The following MRAS variants were observed in gnomAD, a reference collection of about 807,000 sequenced individuals.
The protein encoded by MRAS is ras-related protein M-Ras.
Under a neutral mutation model 20.9 loss-of-function variants are expected in MRAS, and 4 were observed. That is an observed-to-expected ratio of 0.19 (90% CI 0.09 to 0.44). MRAS has a LOEUF of 0.44. Among genes scored for constraint, MRAS ranks in the 20% least tolerant of loss-of-function variants. The pLI is 0.99. For missense variants in MRAS, 154 were observed against 277.5 expected (o/e 0.56, Z 3.16); for synonymous variants, 98 against 102.9 (o/e 0.95, Z 0.29).
intron 5 of MRAS, among the ~76,000 whole-genome samples, chr3:138,401,944 C>T (rs989606839): frequency 6.6e-6 from 1 of 152,164 alleles, no homozygotes; most frequent in Non-Finnish European, 1.5e-5. Flanking sequence ...GTTATCCCCT[C>T]CCCCATCTCC....
rs1199043429 is a variant in MRAS, at chr3:138,402,970, TGA to T, written c.*706_*707del. On this transcript the variant is annotated 3_prime_UTR_variant, in exon 6 of 6. Coordinates refer to ENST00000423968, the MANE Select transcript of MRAS (RefSeq NM_001085049.3). ...AGAGACCCTACACATGGCCTAGAAA[TGA>T]GAGAAGAGAGAGGTATTTACCCAGA... The T allele has an allele frequency of 6.6e-6, 1 of 152,398 alleles. No homozygotes were observed. Among genetic ancestry groups the T allele is most frequent in the Non-Finnish European group, 1.5e-5 (1 of 67,998 alleles). The allele number at this position is 152,398 out of a possible 1,614,324, so 9.4% of individuals were successfully genotyped here.
chr3:138,402,005 G>A (rs553487761), intron 5 of MRAS, among the ~76,000 whole-genome samples, 165 bp from the exon 6 acceptor site: 190 of 152,218 alleles, frequency 1.2e-3, no homozygotes, highest in South Asian at 2.1e-3. Context: ...TCCTCCAGCG[G>A]CCAGGACAGC....
intron 1 of MRAS, among the ~76,000 whole-genome samples, chr3:138,369,202 C>T (rs141971210): frequency 2.0e-5 from 3 of 152,352 alleles, no homozygotes; most frequent in Non-Finnish European, 4.4e-5. Context: ...AGTGTCTGCC[C>T]TGTGCCAATG....
chr3:138,372,714 CA>C (rs2054700373), intron 1 of MRAS, among the ~76,000 whole-genome samples, 151 bp from the exon 2 acceptor site: 1 of 152,150 alleles, frequency 6.6e-6, no homozygotes, highest in Non-Finnish European at 1.5e-5. Context: ...CTAGTGAGAC[CA>C]GGGGTAATGC....
intron 1 of MRAS, among the ~76,000 whole-genome samples, chr3:138,363,059 C>T (rs1007182460): frequency 3.3e-5 from 5 of 151,406 alleles, no homozygotes; most frequent in Admixed American, 2.0e-4. Context: ...TTTTTTGAGA[C>T]GGAGTCTTGC....
intron 1 of MRAS, among the ~76,000 whole-genome samples, chr3:138,356,185 G>C (rs971855496): frequency 1.3e-5 from 2 of 152,188 alleles, no homozygotes; most frequent in African/African-American, 4.8e-5. Context: ...GGTTTAAAAA[G>C]AAACTACTTG....
At chr3:138,371,342 C>T (rs1029503004) in intron 1 of MRAS, among the ~76,000 whole-genome samples, 3 of 152,208 alleles carry the variant, frequency 2.0e-5, no homozygotes, top group Admixed American at 2.0e-4. Flanking sequence ...GTCCAGCCCC[C>T]TTTCTGTCAA....
chr3:138,348,378 T>G (rs571353693), upstream of MRAS: 1 of 152,292 alleles, frequency 6.6e-6, no homozygotes, highest in East Asian at 1.9e-4. Context: ...CCCCTGGCGC[T>G]CTAGCGCGCC....
At chr3:138,355,908 C>G (rs1004500107) in intron 1 of MRAS, among the ~76,000 whole-genome samples, 1 of 152,102 alleles carries the variant, frequency 6.6e-6, no homozygotes, top group African/African-American at 2.4e-5. Context: ...TTCAGCCTGG[C>G]GACAGAGAGA....
At chr3:138,388,497 G>A (rs979815001) in intron 2 of MRAS, among the ~76,000 whole-genome samples, 1 of 152,098 alleles carries the variant, frequency 6.6e-6, no homozygotes, top group Non-Finnish European at 1.5e-5. Context: ...CCAGGAGTTC[G>A]AGACCAGCCT....
intron 1 of MRAS, among the ~76,000 whole-genome samples, chr3:138,364,775 G>A (rs2054527065): frequency 6.6e-6 from 1 of 152,242 alleles, no homozygotes; most frequent in African/African-American, 2.4e-5. Flanking sequence ...CTGGATCTGG[G>A]GTGCTGGGGT....
intron 2 of MRAS, among the ~76,000 whole-genome samples, chr3:138,389,566 C>T (rs1041403934): frequency 6.8e-6 from 1 of 147,086 alleles, no homozygotes; most frequent in Admixed American, 6.8e-5. Flanking sequence ...AATGGAGATA[C>T]GGCCCAGCCG....
chr3:138,385,889 G>T (rs1241974924), intron 2 of MRAS, among the ~76,000 whole-genome samples: 1 of 152,118 alleles, frequency 6.6e-6, no homozygotes, highest in Non-Finnish European at 1.5e-5. Context: ...ATAGAGAATA[G>T]GATGATGAAG....
intron 1 of MRAS, among the ~76,000 whole-genome samples, chr3:138,358,334 C>CTAA (rs56330132): frequency 7.3e-6 from 1 of 137,140 alleles, no homozygotes; most frequent in Admixed American, 7.5e-5. Context: ...AAGACTCTCT[C>CTAA]AAAAAAAAAA....
chr3:138,399,002 A>C (rs1290705239), intron 4 of MRAS, among the ~76,000 whole-genome samples: 1 of 152,136 alleles, frequency 6.6e-6, no homozygotes, highest in Admixed American at 6.5e-5. Context: ...CGTTGTCCTG[A>C]CTTACAGGGG....
At chr3:138,358,327 A>ACT (rs10664497) in intron 1 of MRAS, among the ~76,000 whole-genome samples, 87,433 of 140,856 alleles carry the variant, frequency 0.62, 26,311 homozygotes, top group East Asian at 0.77. Flanking sequence ...ACAGAACAAG[A>ACT]CTCTCTCAAA....
At chr3:138,396,167 C>T (rs2055231416) in intron 2 of MRAS, among the ~76,000 whole-genome samples, 1 of 152,178 alleles carries the variant, frequency 6.6e-6, no homozygotes, top group Admixed American at 6.5e-5. Flanking sequence ...AGAGAAGACC[C>T]CAGTGAGGAT....
intron 2 of MRAS, among the ~76,000 whole-genome samples, chr3:138,376,958 C>T (rs2054795760): frequency 6.6e-6 from 1 of 152,232 alleles, no homozygotes; most frequent in African/African-American, 2.4e-5. Context: ...TTTCTCTCTA[C>T]AGCCATATAA....
chr3:138,353,444 C>T (rs1403285192), intron 1 of MRAS, among the ~76,000 whole-genome samples: 3 of 152,130 alleles, frequency 2.0e-5, no homozygotes, highest in African/African-American at 7.2e-5. Context: ...CTGGACCCTT[C>T]TAGAGACACA....
Sources: allele counts gnomAD v4.1 joint callset (sites outside exome capture counted in the v4.1 genomes callset), GRCh38; gene constraint gnomAD v4.1.1; transcripts MANE v1.5; gene names NCBI Gene and HGNC (gene_info 2026-07-23, HGNC 2026-07-21).